The following CACNG5 variants were observed in gnomAD, a reference collection of about 807,000 sequenced individuals.
CACNG5 encodes the protein voltage-dependent calcium channel gamma-5 subunit.
A neutral mutation model predicts 24.8 loss-of-function variants in CACNG5; 18 were observed. The observed-to-expected ratio is 0.73, with a 90% CI of 0.50 to 1.08. The LOEUF (loss-of-function observed/expected upper bound fraction) is 1.08. Among genes scored for constraint, CACNG5 ranks in the 50% least tolerant of loss-of-function variants. The pLI is 0.00. For synonymous variants in CACNG5, 157 were observed against 149.1 expected, an observed-to-expected ratio of 1.05 and a Z score of -0.39; for missense variants, 349 against 367.9, an observed-to-expected ratio of 0.95 and a Z score of 0.42.
chr17:66,884,991 G>C lies in CACNG5; in HGVS notation c.579G>C (p.Gly193=). The C allele has an allele frequency of 3.1e-6, 5 of 1,614,074 alleles. No individual in the cohort carries two copies. The highest frequency in any genetic ancestry group is 4.2e-6 in the Non-Finnish European group (5 of 1,179,976). The part of the protein sequence containing the change: ...AISFLLTESA[G]VMSVYLFMKR... Reference sequence around the variant, plus strand: ...CTGTCTTCTCCCTGTAGAGTGCCGGGGTGATGTCTGTGTACCTGTTTATGA... The same window carrying C: ...CTGTCTTCTCCCTGTAGAGTGCCGGCGTGATGTCTGTGTACCTGTTTATGA... Residue 193 remains glycine (G), a synonymous_variant, in exon 6 of 6, where the codon GGG becomes GGC. Coordinates refer to ENST00000533854, the MANE Select transcript of CACNG5 (RefSeq NM_145811.3).
rs904967983 is a variant in CACNG5 at position 66,888,576 on chromosome 17, A to G, written c.*3336A>G. ...AAAAAAAAAAAAAAAAGAGTTAAAGAAAGAGGAAAGAACCATGAAAAGTGG... is the reference window on the plus strand; with the variant it reads ...AAAAAAAAAAAAAAAAGAGTTAAAGGAAGAGGAAAGAACCATGAAAAGTGG... On this transcript the variant is annotated 3_prime_UTR_variant, in exon 6 of 6. Transcript: ENST00000533854. Among the ~76,000 whole-genome samples, 10 of 151,676 alleles carry G rather than the reference A, an allele frequency of 6.6e-5. No homozygotes were observed. Among genetic ancestry groups the G allele is most frequent in the Admixed American group, 6.6e-4 (10 of 15,258 alleles).
chr17:66,857,335 C>T (rs1976795623), intron 1 of CACNG5, among the ~76,000 whole-genome samples: 1 of 152,056 alleles, frequency 6.6e-6, no homozygotes, highest in Admixed American at 6.5e-5. Flanking sequence ...CATGAGCCAC[C>T]TTGCCTGGCC....
At chr17:66,861,984 T>C (rs1394293727) in intron 1 of CACNG5, among the ~76,000 whole-genome samples, 1 of 152,190 alleles carries the variant, frequency 6.6e-6, no homozygotes, top group African/African-American at 2.4e-5. Flanking sequence ...GTGTGGGAGT[T>C]GGGTGGTGGC....
Position 66,887,737 on chromosome 17 carries a change from C to T in CACNG5, c.*2497C>T, listed in dbSNP as rs984992794. Among the ~76,000 whole-genome samples the T allele has an allele frequency of 2.0e-5, 3 of 152,144 alleles. No individual in the cohort carries two copies. Among genetic ancestry groups the T allele is most frequent in the Non-Finnish European group, 4.4e-5 (3 of 68,034 alleles). On this transcript the variant is annotated 3_prime_UTR_variant, in exon 6 of 6. Coordinates refer to ENST00000533854, the MANE Select transcript of CACNG5 (RefSeq NM_145811.3). ...TTGTGGACTCAGACATCACTAGGTT[C>T]GGTCTTCACTGGCCCTGATGCTGAG...
chr17:66,835,491 G>T (rs1031977356), intron 1 of CACNG5, among the ~76,000 whole-genome samples: 4 of 152,234 alleles, frequency 2.6e-5, no homozygotes, highest in African/African-American at 7.2e-5. Flanking sequence ...TCCCAAGGAT[G>T]TATCGGGGGA....
intron 1 of CACNG5, among the ~76,000 whole-genome samples, chr17:66,872,789 G>A (rs954501707): frequency 2.6e-5 from 4 of 152,144 alleles, no homozygotes; most frequent in Non-Finnish European, 5.9e-5. Flanking sequence ...CCTCCAAGAA[G>A]CTACCAGAAG....
Position 66,886,609 on chromosome 17 carries a change from C to A in CACNG5, c.*1369C>A, listed in dbSNP as rs9906660. On this transcript the variant is annotated 3_prime_UTR_variant, in exon 6 of 6. Coordinates refer to ENST00000533854, the MANE Select transcript of CACNG5 (RefSeq NM_145811.3). Reference sequence around the variant, plus strand: ...TGTGTCGCTGCTGTGCCCGCTCTCTCCTTGCCCTCTTTAAGACGCCGCTAG... The same window carrying A: ...TGTGTCGCTGCTGTGCCCGCTCTCTACTTGCCCTCTTTAAGACGCCGCTAG... 5.9e-5 allele frequency among the ~76,000 whole-genome samples: 9 copies of A among 152,052 alleles called. No homozygotes were observed. The highest frequency in any genetic ancestry group is 1.2e-4 in the Non-Finnish European group (8 of 68,018).
In CACNG5 at chr17:66,890,329, C is replaced by T. The variant is rs1977325605; in HGVS notation, c.*5089C>T. On this transcript the variant is annotated 3_prime_UTR_variant, in exon 6 of 6. Coordinates refer to ENST00000533854, the MANE Select transcript of CACNG5 (RefSeq NM_145811.3). ...ACGCTGGAGCCAGTCAGAGCCCTCA[C>T]CAGGGCTGCTTTTGCTCTTTGGGTT... Among the ~76,000 whole-genome samples, 1 of 152,182 alleles carries T rather than the reference C, an allele frequency of 6.6e-6. No homozygotes were observed. Among genetic ancestry groups the T allele is most frequent in the Non-Finnish European group, 1.5e-5 (1 of 68,026 alleles).
chr17:66,871,313 A>G (rs1977004031), intron 1 of CACNG5, among the ~76,000 whole-genome samples: 1 of 152,146 alleles, frequency 6.6e-6, no homozygotes, highest in Non-Finnish European at 1.5e-5. Context: ...CTACACCATG[A>G]ACCTTTTATC....
chr17:66,856,738 T>C (rs1335163435), intron 1 of CACNG5, among the ~76,000 whole-genome samples: 12 of 152,046 alleles, frequency 7.9e-5, no homozygotes, highest in Admixed American at 7.9e-4. Flanking sequence ...AGACAGGGTT[T>C]CACCATGTTG....
intron 1 of CACNG5, among the ~76,000 whole-genome samples, chr17:66,855,336 C>CG (rs1976759923): frequency 6.6e-6 from 1 of 152,166 alleles, no homozygotes; most frequent in Non-Finnish European, 1.5e-5. Context: ...GGCCCCAGGC[C>CG]CGGGGCCTCT....
In CACNG5 at chr17:66,890,248, T is replaced by C. The variant is rs1462095811; in HGVS notation, c.*5008T>C. On this transcript the variant is annotated 3_prime_UTR_variant, in exon 6 of 6. Transcript: ENST00000533854. Reference sequence around the variant, plus strand: ...TCCATGGTAGCAGTGGCTGCTCCAGTGTGCCATAGAAGAGACGAGGCTCAG... The same window carrying C: ...TCCATGGTAGCAGTGGCTGCTCCAGCGTGCCATAGAAGAGACGAGGCTCAG... 6.9e-6 allele frequency among the ~76,000 whole-genome samples: 1 copy of C among 145,608 alleles called. No homozygotes were observed. The highest frequency in any genetic ancestry group is 6.9e-5 in the Admixed American group (1 of 14,406).
At chr17:66,875,151 G>A (rs1977058210) in intron 1 of CACNG5, among the ~76,000 whole-genome samples, 1 of 152,062 alleles carries the variant, frequency 6.6e-6, no homozygotes, top group African/African-American at 2.4e-5. Context: ...TCTGCAAGCG[G>A]CAGCACCTCT....
At position 66,891,536 on chromosome 17, in the gene CACNG5, T is replaced by C. The variant is rs1037973668; in HGVS notation, c.*6296T>C. 6.6e-6 allele frequency among the ~76,000 whole-genome samples: 1 copy of C among 152,156 alleles called. No individual in the cohort carries two copies. Among genetic ancestry groups the C allele is most frequent in the Admixed American group, 6.5e-5 (1 of 15,278 alleles). On this transcript the variant is annotated 3_prime_UTR_variant, in exon 6 of 6. Coordinates refer to ENST00000533854, the MANE Select transcript of CACNG5 (RefSeq NM_145811.3). ...TAGAACATCTTTGCACACGGTCTCT[T>C]CTTAAGGCCTGGTCTTCCTCATAGG...
At position 66,880,627 on chromosome 17, in the gene CACNG5, C is replaced by T; in HGVS notation, c.354C>T (p.Asn118=). The part of the protein sequence containing the change: ...LFFMFIGFIL[N]NIGHIRPHRT... ...TCATGTTCATTGGGTTTATCCTGAA[C>T]AACATCGGACACATCCGTCCCCACC... Residue 118 remains asparagine (N), a synonymous_variant, in exon 4 of 6, where the codon AAC becomes AAT. Transcript: ENST00000533854. The T allele has an allele frequency of 6.2e-7, 1 of 1,614,222 alleles. No individual in the cohort carries two copies. The highest frequency in any genetic ancestry group is 8.5e-7 in the Non-Finnish European group (1 of 1,180,012).
intron 1 of CACNG5, among the ~76,000 whole-genome samples, chr17:66,870,895 G>A (rs1035633605): frequency 2.4e-4 from 37 of 152,076 alleles, no homozygotes; most frequent in African/African-American, 8.7e-4. Flanking sequence ...CAGGAGAATT[G>A]CTTGAACCTG....
intron 1 of CACNG5, among the ~76,000 whole-genome samples, chr17:66,872,013 G>C (rs1198143895): frequency 6.6e-6 from 1 of 152,188 alleles, no homozygotes; most frequent in Non-Finnish European, 1.5e-5. Context: ...TTGGAGAATA[G>C]ATCACTCTAA....
chr17:66,881,806 TG>T (rs1400916802), intron 4 of CACNG5, among the ~76,000 whole-genome samples: 2 of 110,540 alleles, frequency 1.8e-5, no homozygotes, highest in Non-Finnish European at 1.8e-5. Context: ...GAAGTGAGGT[TG>T]GGGGTGGGGG....
intron 1 of CACNG5, among the ~76,000 whole-genome samples, chr17:66,874,237 C>G (rs563105853): frequency 6.6e-6 from 1 of 152,118 alleles, no homozygotes; most frequent in Non-Finnish European, 1.5e-5. Context: ...AACAGGATGC[C>G]TAACAATGAT....
Sources: allele counts gnomAD v4.1 joint callset (sites outside exome capture counted in the v4.1 genomes callset), GRCh38; gene constraint gnomAD v4.1.1; transcripts MANE v1.5; gene names NCBI Gene and HGNC (gene_info 2026-07-23, HGNC 2026-07-21).